The following SLC15A5 variants were observed in gnomAD, a reference collection of about 807,000 sequenced individuals.
SLC15A5 encodes the protein solute carrier family 15 member 5.
A neutral mutation model predicts 56.1 loss-of-function variants in SLC15A5; 58 were observed. The ratio of observed to expected loss-of-function variants is 1.03; its 90% confidence interval spans 0.84 to 1.29. The LOEUF (loss-of-function observed/expected upper bound fraction) is 1.29, where lower values mean the gene tolerates loss of function less well. Among genes scored for constraint, SLC15A5 ranks in the 50% most tolerant of loss-of-function variants. SLC15A5 has a pLI of 0.00. For missense variants in SLC15A5, 681 were observed against 672.1 expected (o/e 1.01, Z -0.15); for synonymous variants, 264 against 250.5 (o/e 1.05, Z -0.51).
In SLC15A5 at chr12:16,204,814, G is replaced by A. The variant is rs1188163769; in HGVS notation, c.1484-10361C>T. The stretch of plus-strand genomic sequence containing the variant: ...AATGTTGGTTATTTGAAGCAAATAA[G>A]TATTTTCTTTAATAAAACCAAAATG... On this transcript the variant is annotated intron_variant, in intron 7 of 8. Coordinates refer to ENST00000344941, the MANE Select transcript of SLC15A5 (RefSeq NM_001170798.1). Among the ~76,000 whole-genome samples, 8 of 151,964 alleles carry A rather than the reference G, an allele frequency of 5.3e-5. No individual in the cohort carries two copies. The East Asian group carries it at 1.5e-3, about 29-fold the overall frequency.
At chr12:16,238,973 A>G (rs984769660) in intron 5 of SLC15A5, among the ~76,000 whole-genome samples, 1 of 142,262 alleles carries the variant, frequency 7.0e-6, no homozygotes, top group African/African-American at 2.5e-5. Flanking sequence ...ATGTCCCTCA[A>G]TGAAAAAAAT....
chr12:16,255,273 G>A (rs555843827), intron 3 of SLC15A5, among the ~76,000 whole-genome samples: 1 of 151,968 alleles, frequency 6.6e-6, no homozygotes, highest in African/African-American at 2.4e-5. Context: ...CTATAGAAAA[G>A]TTGAACTAGA....
At chr12:16,220,591 C>T (rs574271077) in intron 6 of SLC15A5, among the ~76,000 whole-genome samples, 4 of 152,304 alleles carry the variant, frequency 2.6e-5, no homozygotes, top group East Asian at 3.9e-4. Context: ...AACACAGCCA[C>T]GCTCATTTAT....
Position 16,207,571 on chromosome 12 carries a change from T to A in SLC15A5, c.1483+9322A>T, listed in dbSNP as rs1345334839. ...TTCTGAATATCACTGGGCAAATTCATGCTTTAGGTAGTTTGGGATCACTCT... is the reference window on the plus strand; with the variant it reads ...TTCTGAATATCACTGGGCAAATTCAAGCTTTAGGTAGTTTGGGATCACTCT... On this transcript the variant is annotated intron_variant, in intron 7 of 8. Coordinates refer to ENST00000344941, the MANE Select transcript of SLC15A5 (RefSeq NM_001170798.1). 2.0e-5 allele frequency among the ~76,000 whole-genome samples: 3 copies of A among 152,304 alleles called. No individual in the cohort carries two copies. In the East Asian group the frequency reaches 5.8e-4, roughly 29 times the overall value.
At chr12:16,193,564 C>T (rs1863859553) in intron 8 of SLC15A5, among the ~76,000 whole-genome samples, 1 of 151,758 alleles carries the variant, frequency 6.6e-6, no homozygotes, top group Admixed American at 6.6e-5. Flanking sequence ...TAATATATGA[C>T]TAAATGACTA....
intron 2 of SLC15A5, among the ~76,000 whole-genome samples, chr12:16,270,304 T>C (rs573026303): frequency 6.6e-5 from 10 of 152,172 alleles, no homozygotes; most frequent in Non-Finnish European, 1.3e-4. Context: ...ATCTGACATC[T>C]GTGCTGCAAA....
intron 5 of SLC15A5, among the ~76,000 whole-genome samples, chr12:16,232,855 G>A (rs960253445): frequency 6.6e-6 from 1 of 152,070 alleles, no homozygotes; most frequent in Non-Finnish European, 1.5e-5. Context: ...GGTGGAGGTT[G>A]CAGTGAGCCA....
At chr12:16,210,019 C>G (rs1446938945) in intron 7 of SLC15A5, among the ~76,000 whole-genome samples, 1 of 152,184 alleles carries the variant, frequency 6.6e-6, no homozygotes, top group Non-Finnish European at 1.5e-5. Flanking sequence ...TTGCCCCTAT[C>G]TAACTCTCCA....
At chr12:16,190,459 A>C (rs1262791662) in intron 8 of SLC15A5, among the ~76,000 whole-genome samples, 2 of 152,184 alleles carry the variant, frequency 1.3e-5, no homozygotes, top group Non-Finnish European at 2.9e-5. Context: ...CCTCCATGGC[A>C]TACTGCCTCT....
intron 3 of SLC15A5, among the ~76,000 whole-genome samples, chr12:16,257,353 A>G (rs1864587000): frequency 6.6e-6 from 1 of 152,168 alleles, no homozygotes; most frequent in African/African-American, 2.4e-5. Context: ...GCTCAGAGCT[A>G]CCTAGGTGAG....
At chr12:16,236,109 CTTAA>C (rs1393283618) in intron 5 of SLC15A5, among the ~76,000 whole-genome samples, 1 of 152,142 alleles carries the variant, frequency 6.6e-6, no homozygotes, top group Non-Finnish European at 1.5e-5. Context: ...TAATAACAAT[CTTAA>C]TTAGGCTGAT....
rs138196994 is a variant in SLC15A5 at position 16,212,172 on chromosome 12, G to A, written c.1483+4721C>T. ...AAAAATTTGTCTGATTGTTTGAGTGGCCTGATCTTGTTTTTGGCCAAATGA... is the reference window on the plus strand; with the variant it reads ...AAAAATTTGTCTGATTGTTTGAGTGACCTGATCTTGTTTTTGGCCAAATGA... On this transcript the variant is annotated intron_variant, in intron 7 of 8. Coordinates refer to ENST00000344941, the MANE Select transcript of SLC15A5 (RefSeq NM_001170798.1). Among the ~76,000 whole-genome samples the A allele has an allele frequency of 1.4e-3, 220 of 152,200 alleles. 6 individuals are homozygous for A. The East Asian group carries it at 0.028, about 19-fold the overall frequency.
intron 3 of SLC15A5, among the ~76,000 whole-genome samples, chr12:16,249,836 A>G (rs1332437526): frequency 6.6e-6 from 1 of 152,100 alleles, no homozygotes; most frequent in Non-Finnish European, 1.5e-5. Context: ...ACAAAACTCC[A>G]AATTATTTGA....
At chr12:16,228,949 TC>T (rs1185218913) in intron 5 of SLC15A5, among the ~76,000 whole-genome samples, 1 of 152,182 alleles carries the variant, frequency 6.6e-6, no homozygotes, top group Non-Finnish European at 1.5e-5. Flanking sequence ...GGCTTGATGC[TC>T]CCAACCCCTG....
chr12:16,230,444 C>G (rs1186415049), intron 5 of SLC15A5, among the ~76,000 whole-genome samples: 1 of 152,010 alleles, frequency 6.6e-6, no homozygotes, highest in Admixed American at 6.5e-5. Flanking sequence ...AGAGCTGAAC[C>G]ATCCCAGACA....
At chr12:16,230,795 CA>C (rs1465116391) in intron 5 of SLC15A5, among the ~76,000 whole-genome samples, 3 of 149,698 alleles carry the variant, frequency 2.0e-5, no homozygotes, top group African/African-American at 7.4e-5. Context: ...TGGTGGTGGG[CA>C]CCTGTAGTCC....
chr12:16,248,326 T>A (rs1388671454), intron 3 of SLC15A5, among the ~76,000 whole-genome samples: 1 of 152,070 alleles, frequency 6.6e-6, no homozygotes, highest in African/African-American at 2.4e-5. Flanking sequence ...CAGAGATTAG[T>A]TAAGGAAAGA....
At position 16,269,104 on chromosome 12, in the gene SLC15A5, C is replaced by T. The variant is rs1358947289; in HGVS notation, c.584+3457G>A. ...CAGAACCCTGATCTCAGAATTCTGG[C>T]CTCCAGAGCTGTGAAAAATAAATTT... On this transcript the variant is annotated intron_variant, in intron 2 of 8. Coordinates refer to ENST00000344941, the MANE Select transcript of SLC15A5 (RefSeq NM_001170798.1). This position sits in a 1 kb window ranked among gnomAD's most constrained non-coding sequence, Gnocchi z 4.7. 1.3e-5 allele frequency among the ~76,000 whole-genome samples: 2 copies of T among 151,998 alleles called. No homozygotes were observed. Among genetic ancestry groups the T allele is most frequent in the Non-Finnish European group, 1.5e-5 (1 of 68,014 alleles).
chr12:16,250,352 A>G (rs1205992239), intron 3 of SLC15A5, among the ~76,000 whole-genome samples: 1 of 152,066 alleles, frequency 6.6e-6, no homozygotes, highest in Non-Finnish European at 1.5e-5. Context: ...CAAAGCATCC[A>G]GAGTCTAGTC....
Sources: allele counts gnomAD v4.1 joint callset (sites outside exome capture counted in the v4.1 genomes callset), GRCh38; gene constraint gnomAD v4.1.1; non-coding constraint Gnocchi (gnomAD v3.1); transcripts MANE v1.5; gene names NCBI Gene and HGNC (gene_info 2026-07-23, HGNC 2026-07-21).